Variants in COL11A1 observed in about 807,000 individuals in gnomAD.
COL11A1 encodes the protein collagen type XI alpha 1 chain.
Under a neutral mutation model 265.2 loss-of-function variants are expected in COL11A1, and 74 were observed. That is an observed-to-expected ratio of 0.28 (90% CI 0.23 to 0.34). The LOEUF is 0.34. Among genes scored for constraint, COL11A1 ranks in the 10% least tolerant of loss-of-function variants. The probability of loss-of-function intolerance (pLI) is 1.00; values close to 1 mark genes in which losing one functional copy is unlikely to be tolerated. For synonymous variants in COL11A1, 816 were observed against 727.6 expected, an observed-to-expected ratio of 1.12 and a Z score of -1.96; for missense variants, 2,165 against 2,263.6, an observed-to-expected ratio of 0.96 and a Z score of 0.88.
intron 41 of COL11A1, among the ~76,000 whole-genome samples, chr1:102,947,705 G>A (rs1480097835): frequency 4.0e-5 from 6 of 151,470 alleles, no homozygotes; most frequent in Non-Finnish European, 7.4e-5. Context: ...ATAATCACAT[G>A]GATACTGCTT....
At chr1:103,014,297 C>T (rs1666376357) in intron 13 of COL11A1, among the ~76,000 whole-genome samples, 1 of 152,016 alleles carries the variant, frequency 6.6e-6, no homozygotes, top group Admixed American at 6.6e-5. Flanking sequence ...ATAATGGCAA[C>T]ATTGCATTGG....
chr1:102,949,492 G>A (rs1324077861), intron 41 of COL11A1, among the ~76,000 whole-genome samples: 10 of 150,116 alleles, frequency 6.7e-5, no homozygotes, highest in Admixed American at 3.9e-4. Context: ...AGGCTATGGC[G>A]AAGTTGATGG....
In COL11A1 at chr1:102,889,711, T is replaced by C. The variant is rs1651504091; in HGVS notation, c.4357-149A>G. 4 of 665,502 alleles carry C rather than the reference T, an allele frequency of 6.0e-6. No homozygotes were observed. The East Asian group carries it at 8.2e-5, about 14-fold the overall frequency. The allele number at this position is 665,502 out of a possible 1,614,324, so 41.2% of individuals were successfully genotyped here. ...TTAAAATACCCTTCTGAATGAAATATACAGTTAAGAATCTCCTTCTCATCA... is the reference window on the plus strand; with the variant it reads ...TTAAAATACCCTTCTGAATGAAATACACAGTTAAGAATCTCCTTCTCATCA... On this transcript the variant is annotated intron_variant, in intron 58 of 66. Transcript: ENST00000370096.
chr1:103,031,753 A>G (rs1176683388), intron 4 of COL11A1, among the ~76,000 whole-genome samples: 1 of 151,956 alleles, frequency 6.6e-6, no homozygotes, highest in Non-Finnish European at 1.5e-5. Context: ...AATTAGTATC[A>G]AAAGAAATCC....
At chr1:103,092,299 C>A (rs1047329113) in intron 1 of COL11A1, among the ~76,000 whole-genome samples, 4 of 152,000 alleles carry the variant, frequency 2.6e-5, no homozygotes, top group African/African-American at 4.8e-5. Flanking sequence ...ATTTGAGAAA[C>A]CTTCCAGAAG....
At chr1:102,943,477 AC>A (rs1261052693) in intron 42 of COL11A1, among the ~76,000 whole-genome samples, 2,827 of 99,180 alleles carry the variant, frequency 0.029, 74 homozygotes, top group African/African-American at 0.075. Flanking sequence ...ACACACACAC[AC>A]ACACACAAAC....
chr1:103,027,010 G>C (rs1044793888), intron 5 of COL11A1, among the ~76,000 whole-genome samples: 7 of 151,688 alleles, frequency 4.6e-5, no homozygotes, highest in Admixed American at 4.6e-4. Flanking sequence ...AATTAGATGT[G>C]CTTATAATTA....
chr1:102,919,651 G>T (rs1557820684), intron 49 of COL11A1, among the ~76,000 whole-genome samples: 2 of 151,804 alleles, frequency 1.3e-5, no homozygotes, highest in Non-Finnish European at 2.9e-5. Context: ...AAGTGAGCAT[G>T]AATGCATAAA....
intron 45 of COL11A1, 22 bp from the exon 46 acceptor site, chr1:102,934,578 TA>T: frequency 6.4e-7 from 1 of 1,561,510 alleles, no homozygotes; most frequent in South Asian, 1.1e-5. Context: ...AAAGAAACAT[TA>T]TCACAAACTG....
intron 41 of COL11A1, among the ~76,000 whole-genome samples, chr1:102,958,302 A>T (rs1340721516): frequency 6.6e-6 from 1 of 152,026 alleles, no homozygotes; most frequent in Non-Finnish European, 1.5e-5. Context: ...CTTTTAAAGA[A>T]ATCCCTACTC....
intron 40 of COL11A1, 71 bp from the exon 41 acceptor site, chr1:102,961,990 T>G (rs1557876026): frequency 7.2e-7 from 1 of 1,390,694 alleles, no homozygotes; most frequent in Non-Finnish European, 1.0e-6. Context: ...AGATATCTGA[T>G]TAGTAAAATA....
At chr1:102,994,345 T>C (rs1664422326) in intron 28 of COL11A1, among the ~76,000 whole-genome samples, 1 of 152,100 alleles carries the variant, frequency 6.6e-6, no homozygotes, top group Non-Finnish European at 1.5e-5. Context: ...TAGCACCATC[T>C]CCTTGATGCT....
intron 4 of COL11A1, among the ~76,000 whole-genome samples, chr1:103,044,715 T>C (rs79181493): frequency 0.031 from 4,656 of 152,222 alleles, 271 homozygotes; most frequent in African/African-American, 0.11. Flanking sequence ...CTAGAAAATA[T>C]ATTTATTCAT....
intron 30 of COL11A1, among the ~76,000 whole-genome samples, chr1:102,986,127 C>T (rs147334327): frequency 0.014 from 2,199 of 151,842 alleles, 66 homozygotes; most frequent in African/African-American, 0.051. Flanking sequence ...AGCATTATTG[C>T]GGCACTATTC....
At chr1:103,067,013 T>G (rs1052230593) in intron 4 of COL11A1, among the ~76,000 whole-genome samples, 1 of 151,658 alleles carries the variant, frequency 6.6e-6, no homozygotes, top group Non-Finnish European at 1.5e-5. Flanking sequence ...TGCCTGAGAA[T>G]GCAATACATG....
intron 35 of COL11A1, among the ~76,000 whole-genome samples, chr1:102,977,475 C>G (rs188649928): frequency 1.8e-3 from 279 of 152,126 alleles, no homozygotes; most frequent in African/African-American, 5.8e-3. Context: ...TGCTGTTTTT[C>G]AAATTAAAAT....
At chr1:103,013,523 A>G (rs894600144) in intron 13 of COL11A1, among the ~76,000 whole-genome samples, 1 of 151,954 alleles carries the variant, frequency 6.6e-6, no homozygotes, top group Admixed American at 6.6e-5. Context: ...GATTTGCATT[A>G]TGCCAAAATC....
At position 103,088,788 on chromosome 1, in the gene COL11A1, G is replaced by A. The variant is rs114834670; in HGVS notation, c.107-5816C>T. The stretch of plus-strand genomic sequence containing the variant: ...GCAGATATGGTAGCACAGATACAAA[G>A]AGAGTAAAGAGTTCAAGGAAACCAG... On this transcript the variant is annotated intron_variant, in intron 1 of 66. Transcript: ENST00000370096. Among the ~76,000 whole-genome samples the A allele has an allele frequency of 6.1e-3, 934 of 152,280 alleles. 3 individuals carry two copies. Among genetic ancestry groups the A allele is most frequent in the African/African-American group, 0.021 (869 of 41,552 alleles).
At chr1:102,924,887 A>G (rs1656413897) in intron 46 of COL11A1, among the ~76,000 whole-genome samples, 1 of 152,098 alleles carries the variant, frequency 6.6e-6, no homozygotes, top group African/African-American at 2.4e-5. Context: ...TAGAATAGGT[A>G]TGCTAATTAT....
Sources: allele counts gnomAD v4.1 joint callset (sites outside exome capture counted in the v4.1 genomes callset), GRCh38; gene constraint gnomAD v4.1.1; transcripts MANE v1.5; gene names NCBI Gene and HGNC (gene_info 2026-07-23, HGNC 2026-07-21).